The following ERICH2 variants were observed in gnomAD, a reference collection of about 807,000 sequenced individuals.
The protein encoded by ERICH2 is glutamate rich 2.
Under a neutral mutation model 17.4 loss-of-function variants are expected in ERICH2, and 17 were observed. That is an observed-to-expected ratio of 0.98 (90% CI 0.67 to 1.47). ERICH2 has a LOEUF of 1.47. Among genes scored for constraint, ERICH2 ranks in the 40% most tolerant of loss-of-function variants. ERICH2 has a pLI of 0.00. For missense variants in ERICH2, 186 were observed against 183.2 expected, an observed-to-expected ratio of 1.01 and a Z score of -0.09; for synonymous variants, 51 against 61.1, an observed-to-expected ratio of 0.83 and a Z score of 0.77.
At chr2:170,770,791 G>A in the ERICH2 span, 1 of 154,904 alleles carries the variant, frequency 6.5e-6, no homozygotes, top group African/African-American at 2.4e-5. Context: ...CGGCGCCGCG[G>A]GACACCCACA....
the ERICH2 span, among the ~76,000 whole-genome samples, chr2:170,771,737 CATCTT>C: frequency 2.6e-5 from 4 of 152,370 alleles, no homozygotes; most frequent in Non-Finnish European, 4.4e-5. This position sits in a 1 kb window ranked among gnomAD's most constrained non-coding sequence, Gnocchi z 4.8. Flanking sequence ...GCCTTATTCT[CATCTT>C]ATGAGATGAT....
chr2:170,775,045 G>T, the ERICH2 span, among the ~76,000 whole-genome samples: 1 of 152,110 alleles, frequency 6.6e-6, no homozygotes, highest in African/African-American at 2.4e-5. Context: ...GTGAAAATGG[G>T]AGGAGAATTA....
intron 3 of ERICH2, among the ~76,000 whole-genome samples, chr2:170,796,672 A>G (rs754852370): frequency 4.0e-4 from 61 of 152,020 alleles, no homozygotes; most frequent in Non-Finnish European, 7.5e-4. Context: ...CCTGAGCTCA[A>G]ATGATCCACC....
chr2:170,796,906 G>A (rs1341588635), intron 3 of ERICH2, among the ~76,000 whole-genome samples: 3 of 152,068 alleles, frequency 2.0e-5, no homozygotes, highest in East Asian at 3.8e-4. Flanking sequence ...TCTGTGGAGC[G>A]AGATCTAAAA....
chr2:170,791,197 ACATACCATGTTTAAGAC>A (rs2105711279), intron 2 of ERICH2, among the ~76,000 whole-genome samples: 1 of 152,302 alleles, frequency 6.6e-6, no homozygotes, highest in South Asian at 2.1e-4. Context: ...CATGAGTTGA[ACATACCATGTTTAAGAC>A]CATACCATGT....
intron 2 of ERICH2, among the ~76,000 whole-genome samples, chr2:170,785,048 C>CTAG (rs1398023386): frequency 6.6e-6 from 1 of 152,034 alleles, no homozygotes; most frequent in Non-Finnish European, 1.5e-5. Context: ...GGAATAAATT[C>CTAG]TAGTATTCAG....
the ERICH2 span, among the ~76,000 whole-genome samples, chr2:170,770,925 G>C: frequency 7.0e-6 from 1 of 143,210 alleles, no homozygotes; most frequent in African/African-American, 2.6e-5. Context: ...CCGCCCTACG[G>C]CCTGGGCCCG....
At chr2:170,774,293 C>G in the ERICH2 span, among the ~76,000 whole-genome samples, 5 of 152,176 alleles carry the variant, frequency 3.3e-5, no homozygotes, top group Non-Finnish European at 5.9e-5. Context: ...TTTTAATCAT[C>G]CCCATAGGAC....
At chr2:170,775,810 T>C in the ERICH2 span, 1 of 154,606 alleles carries the variant, frequency 6.5e-6, no homozygotes. Context: ...CAGAAGTTTA[T>C]ATACAGCTGC....
chr2:170,792,986 T>C (rs1297020407), intron 3 of ERICH2, 66 bp downstream of exon 8: 3 of 949,362 alleles, frequency 3.2e-6, no homozygotes, highest in East Asian at 2.7e-5. Flanking sequence ...TTCCGTAATA[T>C]ATAAAATGGC....
exon 1 of ERICH2, chr2:170,783,803 A>G (rs1701083163): frequency 6.5e-7 from 1 of 1,550,348 alleles, no homozygotes; most frequent in Non-Finnish European, 8.7e-7. Context: ...TCTACAGGCT[A>G]GGTGCACACT....
upstream of ERICH2, chr2:170,779,890 T>C: frequency 1.0e-6 from 1 of 962,590 alleles, no homozygotes; most frequent in South Asian, 4.8e-5. Context: ...CTCAGAAAAG[T>C]AAGTTTTAAT....
the ERICH2 span, among the ~76,000 whole-genome samples, chr2:170,776,477 G>C: frequency 6.6e-6 from 1 of 152,058 alleles, no homozygotes; most frequent in Non-Finnish European, 1.5e-5. Context: ...TCCTGGGTTC[G>C]AGCTATTCTC....
the ERICH2 span, among the ~76,000 whole-genome samples, chr2:170,778,749 T>A: frequency 2.6e-5 from 4 of 152,186 alleles, no homozygotes; most frequent in African/African-American, 7.2e-5. Flanking sequence ...TTGAGGGATA[T>A]TTGAAATATA....
chr2:170,784,693 G>A (rs1476119208), exon 2 of ERICH2: 23 of 1,542,624 alleles, frequency 1.5e-5, no homozygotes, highest in Middle Eastern at 1.7e-4. Context: ...GAAAAATAAT[G>A]AATATTGCCT....
At chr2:170,780,831 T>G (rs1701009173), upstream of ERICH2, among the ~76,000 whole-genome samples, 1 of 152,238 alleles carries the variant, frequency 6.6e-6, no homozygotes, top group Non-Finnish European at 1.5e-5. Context: ...TTTATGTAGA[T>G]CAGCTATGAG....
intron 3 of ERICH2, among the ~76,000 whole-genome samples, chr2:170,797,795 GAAAAAA>G (rs767126097): frequency 1.4e-5 from 2 of 141,806 alleles, no homozygotes; most frequent in African/African-American, 5.2e-5. Flanking sequence ...CTGTCTCAGG[GAAAAAA>G]AAAAAAAAAA....
the ERICH2 span, among the ~76,000 whole-genome samples, chr2:170,778,629 AACC>A: frequency 6.6e-6 from 1 of 152,152 alleles, no homozygotes; most frequent in Non-Finnish European, 1.5e-5. Context: ...AGTTACAATC[AACC>A]AGAAAAAAAG....
upstream of ERICH2, among the ~76,000 whole-genome samples, chr2:170,780,945 G>T (rs1305878163): frequency 6.6e-6 from 1 of 152,182 alleles, no homozygotes; most frequent in Non-Finnish European, 1.5e-5. Flanking sequence ...CTTTTCATAT[G>T]TAGAGTTTCT....
Sources: allele counts gnomAD v4.1 joint callset (sites outside exome capture counted in the v4.1 genomes callset), GRCh38; gene constraint gnomAD v4.1.1; non-coding constraint Gnocchi (gnomAD v3.1); transcripts MANE v1.5; gene names NCBI Gene and HGNC (gene_info 2026-07-23, HGNC 2026-07-21).